The following STK36 variants were observed in gnomAD, a reference collection of about 807,000 sequenced individuals.
STK36 encodes serine/threonine-protein kinase 36.
STK36 carries 116 observed loss-of-function variants against 142.2 expected under a neutral mutation model. The ratio of observed to expected loss-of-function variants is 0.82; its 90% CI spans 0.70 to 0.95. STK36 has a LOEUF of 0.95. STK36 is among the 40% of genes least tolerant of loss of function. STK36 has a pLI of 0.00. For synonymous variants in STK36, 619 were observed against 641.7 expected (o/e 0.96, Z 0.53); for missense variants, 1,422 against 1,617.2 (o/e 0.88, Z 2.07).
intron 10 of STK36, chr2:218,684,878 C>T: frequency 3.9e-6 from 2 of 511,040 alleles, no homozygotes; most frequent in Non-Finnish European, 3.4e-6. Flanking sequence ...TGCACACATG[C>T]CGGTGTTCTC....
chr2:218,675,588 G>A (rs1266573643), intron 5 of STK36, 115 bp downstream of exon 5: 47 of 1,258,754 alleles, frequency 3.7e-5, no homozygotes, highest in South Asian at 7.5e-5. Context: ...GCAATGGTGC[G>A]ATCTCCACTC....
chr2:218,684,931 T>C lies in STK36; in HGVS notation c.1237-154T>C, dbSNP rs1940710189. 1.4e-5 allele frequency: 12 copies of C among 876,398 alleles called. No homozygotes were observed. The South Asian group carries it at 2.5e-4, about 18-fold the overall frequency. 54.3% of individuals were successfully genotyped at this position (876,398 alleles called of 1,614,324 possible). A position where few individuals can be genotyped will look rare whatever the true frequency, so the allele number is the denominator to read the frequency against. On this transcript the variant is annotated intron_variant, in intron 10 of 26. Transcript: ENST00000295709. ...CCCCTCACAGACTGCCAGCTGTACC[T>C]TTTTTAGCAGGTGACTGAAGATATA...
In STK36 at chr2:218,694,243, TG is replaced by T; in HGVS notation, c.2337-20del. ...CCTCCTTTAATACTGCTGCATCCCT[TG>T]ATGTATCTCTTTATTCCAGAATGGA... On this transcript the variant is annotated intron_variant, in intron 19 of 26. Transcript: ENST00000295709. The surrounding 1 kb of genome is among the most constrained non-coding windows in gnomAD (Gnocchi z 4.4). 1 of 1,606,308 alleles carries T rather than the reference TG, an allele frequency of 6.2e-7. No homozygotes were observed. Among genetic ancestry groups the T allele is most frequent in the Non-Finnish European group, 8.5e-7 (1 of 1,172,916 alleles).
chr2:218,673,690 A>G lies in STK36; in HGVS notation c.150A>G (p.Arg50=), dbSNP rs141304903. 2 of 1,614,188 alleles carry G rather than the reference A, an allele frequency of 1.2e-6. No homozygotes were observed. The highest frequency in any genetic ancestry group is 1.7e-6 in the Non-Finnish European group (2 of 1,180,034). Residue 50 remains arginine, a synonymous_variant, in exon 3 of 27, where the codon CGA becomes CGG. Coordinates refer to ENST00000295709, the MANE Select transcript of STK36 (RefSeq NM_015690.5). ...AGAAGGAGCTGAGGAATTTGCAACG[A>G]GAGATTGAAATAATGCGGGGTCTGC... is the stretch of plus-strand genomic sequence containing the variant. ...RSEKELRNLQ[R]EIEIMRGLRH... is the part of the protein sequence containing the mutation.
Position 218,693,947 on chromosome 2 carries a change from C to G in STK36, c.2300C>G (p.Ser767Cys), listed in dbSNP as rs150583201. 1 of 1,614,244 alleles carries G rather than the reference C, an allele frequency of 6.2e-7. No homozygotes were observed. Among genetic ancestry groups the G allele is most frequent in the South Asian group, 1.1e-5 (1 of 91,086 alleles). Residue 767 changes from serine to cysteine, a missense_variant, in exon 19 of 27, where the codon TCC becomes TGC. By Grantham distance (112) the Ser-to-Cys change is moderately radical (BLOSUM62 -1). Transcript: ENST00000295709. ...ESTEVTLYFL[S>C]LLVFRLQNLP... ...ACTGAAGTGACACTCTACTTCCTCT[C>G]CCTTCTTGTCTTTCGGCTCCAAAAC...
In STK36 at chr2:218,673,775, G is replaced by A. The variant is rs1559327185; in HGVS notation, c.225+10G>A. On this transcript the variant is annotated intron_variant, in intron 3 of 26. Transcript: ENST00000295709. ...TGAAACTGATAAAGAGGTGTGCTTT[G>A]ACAGTTTTGGGCCCTGTCTCCCCAA... is the stretch of plus-strand genomic sequence containing the variant. The A allele has an allele frequency of 2.5e-6, 4 of 1,613,556 alleles. No homozygotes were observed. Among genetic ancestry groups the A allele is most frequent in the Non-Finnish European group, 3.4e-6 (4 of 1,179,698 alleles).
Position 218,699,181 on chromosome 2 carries a change from G to A in STK36, c.3637G>A (p.Ala1213Thr), listed in dbSNP as rs140681841. Reference sequence around the variant, plus strand: ...TCAGGCTGGTATCCGGCGCAATGTTGCATCAGCTCTGGGCAACTTGGGACC... The same window carrying A: ...TCAGGCTGGTATCCGGCGCAATGTTACATCAGCTCTGGGCAACTTGGGACC... ...DPQAGIRRNV[A>T]SALGNLGPEG... Residue 1213 changes from alanine (A) to threonine (T), a missense_variant, in exon 26 of 27, where the codon GCA becomes ACA. Ala to Thr is a moderately conservative substitution (Grantham distance 58). Coordinates refer to ENST00000295709, the MANE Select transcript of STK36 (RefSeq NM_015690.5). 1.7e-5 allele frequency: 28 copies of A among 1,614,110 alleles called. No homozygotes were observed. In the African/African-American group the frequency reaches 3.5e-4, roughly 20 times the overall value.
At chr2:218,695,519 T>A (rs1431410773) in intron 21 of STK36, among the ~76,000 whole-genome samples, 1 of 144,438 alleles carries the variant, frequency 6.9e-6, no homozygotes, top group Non-Finnish European at 1.5e-5. Context: ...TGAGCCACCA[T>A]GTCCAGTCTT....
At chr2:218,684,106 C>CT (rs35807157) in intron 10 of STK36, among the ~76,000 whole-genome samples, 7,681 of 105,144 alleles carry the variant, frequency 0.073, 557 homozygotes, top group African/African-American at 0.16. Flanking sequence ...GCCTCACGAT[C>CT]TTTTTTTTTT....
rs559607636 is a variant in STK36 at position 218,679,397 on chromosome 2, A to G, written c.778+136A>G. On this transcript the variant is annotated intron_variant, in intron 7 of 26. Transcript: ENST00000295709. ...GCTTGAACTTTCTTCCTAGCCCTTC[A>G]CTTAACCTTTGCCACTTCCCTTACA... 84 of 1,255,608 alleles carry G rather than the reference A, an allele frequency of 6.7e-5. 1 individual carries two copies. Among genetic ancestry groups the G allele is most frequent in the Non-Finnish European group, 5.6e-6 (5 of 890,384 alleles). 77.8% of individuals were successfully genotyped at this position (1,255,608 alleles called of 1,614,324 possible). A position where few individuals can be genotyped will look rare whatever the true frequency, so the allele number is the denominator to read the frequency against.
chr2:218,694,543 T>C lies in STK36; in HGVS notation c.2419T>C (p.Leu807=), dbSNP rs201504675. The C allele has an allele frequency of 3.1e-6, 5 of 1,614,200 alleles. No individual in the cohort carries two copies. The highest frequency in any genetic ancestry group is 2.2e-5 in the East Asian group (1 of 44,870). ...VSLVSAAACL[L]GQLGQQGVTF... is the part of the protein sequence containing the mutation. ...CCCACAGAGTGCAGCAGCCTGTCTATTGGGACAGCTTGGTCAGCAAGGGGT... is the reference window on the plus strand; with the variant it reads ...CCCACAGAGTGCAGCAGCCTGTCTACTGGGACAGCTTGGTCAGCAAGGGGT... The change falls in exon 21 of 27, where the codon TTG becomes CTG. Residue 807 remains leucine, a synonymous_variant. Transcript: ENST00000295709. The surrounding 1 kb of genome is among the most constrained non-coding windows in gnomAD (Gnocchi z 4.4).
chr2:218,691,807 C>G (rs1375969174), intron 14 of STK36, among the ~76,000 whole-genome samples: 1 of 152,164 alleles, frequency 6.6e-6, no homozygotes, highest in African/African-American at 2.4e-5. Flanking sequence ...ATCCACCTGC[C>G]TCGGCCTCCC....
chr2:218,698,030 A>G (rs1229765966), intron 25 of STK36, 29 bp downstream of exon 25: 1 of 1,613,634 alleles, frequency 6.2e-7, no homozygotes, highest in East Asian at 2.2e-5. Context: ...TGAAGGTGGG[A>G]GAGGAAGATA....
chr2:218,690,144 T>TA (rs755295721), intron 13 of STK36, among the ~76,000 whole-genome samples, 188 bp downstream of exon 13: 3 of 152,052 alleles, frequency 2.0e-5, no homozygotes, highest in Admixed American at 6.6e-5. Context: ...CCTCAAGACT[T>TA]ACAGTTTCTA....
rs1941317050 is a variant in STK36 at position 218,698,466 on chromosome 2, G to A, written c.3058-136G>A. On this transcript the variant is annotated intron_variant, in intron 25 of 26. Coordinates refer to ENST00000295709, the MANE Select transcript of STK36 (RefSeq NM_015690.5). ...CTCCACGTTGTGTCTCATGTGGAGT[G>A]CTGTGGGGCAGGACTTCCAGCTCTC... 6.7e-6 allele frequency: 7 copies of A among 1,047,636 alleles called. No homozygotes were observed. The Middle Eastern group carries it at 1.2e-3, about 172-fold the overall frequency. 64.9% of individuals were successfully genotyped at this position (1,047,636 alleles called of 1,614,324 possible).
intron 1 of STK36, 163 bp downstream of exon 1, chr2:218,672,378 C>T (rs1197786847): frequency 6.4e-6 from 2 of 311,006 alleles, no homozygotes; most frequent in East Asian, 7.8e-5. Flanking sequence ...GAGAGAGGGG[C>T]TCTGGCCTGC....
chr2:218,673,865 C>A lies in STK36; in HGVS notation c.226-14C>A. On this transcript the variant is annotated splice_polypyrimidine_tract_variant and intron_variant, in intron 3 of 26. Coordinates refer to ENST00000295709, the MANE Select transcript of STK36 (RefSeq NM_015690.5). ...GAATCTGGAGCCATCAGTGCCACTG[C>A]CTTCTCTCTGTAGGTGGTGGTGGTG... 6.2e-7 allele frequency: 1 copy of A among 1,614,182 alleles called. No homozygotes were observed. The highest frequency in any genetic ancestry group is 8.5e-7 in the Non-Finnish European group (1 of 1,180,034).
chr2:218,690,424 A>G (rs1559339375), intron 13 of STK36, 26 bp from the exon 14 acceptor site: 1 of 1,597,562 alleles, frequency 6.3e-7, no homozygotes. Context: ...GAGATAAGAA[A>G]TCATGGGCTC....
At chr2:218,686,885 A>G (rs1226465319) in intron 11 of STK36, among the ~76,000 whole-genome samples, 1 of 152,226 alleles carries the variant, frequency 6.6e-6, no homozygotes, top group East Asian at 1.9e-4. Flanking sequence ...TCCCACCAGT[A>G]TTATATGAGG....
Sources: gnomAD v4.1 joint callset for allele counts (sites outside exome capture counted in the v4.1 genomes callset) on GRCh38, gnomAD v4.1.1 for gene constraint, Gnocchi (gnomAD v3.1) non-coding constraint, MANE v1.5 for transcripts, NCBI Gene and HGNC (gene_info 2026-07-23, HGNC 2026-07-21) for gene names.